The following PARD6G variants were observed in gnomAD, a reference collection of about 807,000 sequenced individuals.
PARD6G encodes partitioning defective 6 homolog gamma.
PARD6G carries 7 observed loss-of-function variants against 10.7 expected under a neutral mutation model. That is an observed-to-expected ratio of 0.66 (90% confidence interval 0.37 to 1.23). PARD6G has a LOEUF of 1.23. Among genes scored for constraint, PARD6G ranks in the 50% most tolerant of loss-of-function variants. The pLI is 0.02. For synonymous variants in PARD6G, 287 were observed against 269.4 expected (o/e 1.07, Z -0.64); for missense variants, 548 against 571.8 (o/e 0.96, Z 0.42).
Position 80,183,106 on chromosome 18 carries a change from G to C in PARD6G, c.295+19604C>G, listed in dbSNP as rs914982998. 1.4e-6 allele frequency: 1 copy of C among 702,918 alleles called. No homozygotes were observed. The highest frequency in any genetic ancestry group is 1.5e-5 in the South Asian group (1 of 67,590). The allele number at this position is 702,918 out of a possible 1,614,324, so 43.5% of individuals were successfully genotyped here. A position where few individuals can be genotyped will look rare whatever the true frequency, so the allele number is the denominator to read the frequency against. On this transcript the variant is annotated intron_variant, in intron 2 of 2. Coordinates refer to ENST00000353265, the MANE Select transcript of PARD6G (RefSeq NM_032510.4). The surrounding 1 kb of genome is among the most constrained non-coding windows in gnomAD (Gnocchi z 4.5). ...CAGAGAAGTCCCCCTTTCAAACCAAGATTTGAGCTGAAGAGTCAGGTTCCT... is the reference window on the plus strand; with the variant it reads ...CAGAGAAGTCCCCCTTTCAAACCAACATTTGAGCTGAAGAGTCAGGTTCCT...
intron 2 of PARD6G, among the ~76,000 whole-genome samples, chr18:80,195,572 T>TATATATACAC (rs894731117): frequency 1.1e-4 from 10 of 87,348 alleles, no homozygotes; most frequent in African/African-American, 5.3e-4. Context: ...TATATATATA[T>TATATATACAC]ACACACATTT....
intron 2 of PARD6G, among the ~76,000 whole-genome samples, chr18:80,168,624 C>CT (rs958609718): frequency 1.4e-3 from 195 of 137,092 alleles, no homozygotes; most frequent in Middle Eastern, 3.8e-3. Flanking sequence ...TATGTATAAA[C>CT]TTTTTTTTTT....
chr18:80,199,673 C>T (rs886426474), intron 2 of PARD6G, among the ~76,000 whole-genome samples: 8 of 152,108 alleles, frequency 5.3e-5, no homozygotes, highest in Non-Finnish European at 1.2e-4. Flanking sequence ...GACGGAGTTT[C>T]GCTCTGTCAC....
intron 1 of PARD6G, among the ~76,000 whole-genome samples, chr18:80,214,217 GGAGGCC>G (rs991426126): frequency 2.2e-4 from 33 of 152,316 alleles, no homozygotes; most frequent in Middle Eastern, 3.4e-3. Flanking sequence ...CAGCACTTTG[GGAGGCC>G]GAGGCGAGTG....
At chr18:80,177,025 G>GCA (rs111315126) in intron 2 of PARD6G, among the ~76,000 whole-genome samples, 41,040 of 136,866 alleles carry the variant, frequency 0.3, 6,515 homozygotes, top group East Asian at 0.5. Context: ...GCGCGCGCGT[G>GCA]CACACACACA....
intron 1 of PARD6G, among the ~76,000 whole-genome samples, chr18:80,230,002 C>T (rs1016419558): frequency 1.3e-5 from 2 of 152,182 alleles, no homozygotes; most frequent in African/African-American, 2.4e-5. Context: ...CCAGGTGGGT[C>T]ATAGGGTCAC....
intron 1 of PARD6G, among the ~76,000 whole-genome samples, chr18:80,205,799 T>C (rs544615843): frequency 6.6e-6 from 1 of 152,242 alleles, no homozygotes; most frequent in Admixed American, 6.5e-5. Context: ...TTTACAGCTA[T>C]GTGAGAATGG....
chr18:80,165,116 G>A (rs954283292), intron 2 of PARD6G, among the ~76,000 whole-genome samples: 2 of 152,132 alleles, frequency 1.3e-5, no homozygotes, highest in Non-Finnish European at 2.9e-5. Context: ...AATTTACCAG[G>A]GCAGAGTTTC....
intron 2 of PARD6G, among the ~76,000 whole-genome samples, chr18:80,174,827 G>A (rs574942763): frequency 3.3e-5 from 5 of 152,222 alleles, no homozygotes; most frequent in South Asian, 4.1e-4. Flanking sequence ...GGTGGCGGGC[G>A]CCTGTAGTCC....
Position 80,228,249 on chromosome 18 carries a change from G to C in PARD6G, c.72+19028C>G, listed in dbSNP as rs1021769178. 1.3e-5 allele frequency among the ~76,000 whole-genome samples: 2 copies of C among 152,098 alleles called. No homozygotes were observed. The highest frequency in any genetic ancestry group is 6.6e-5 in the Admixed American group (1 of 15,266). The stretch of plus-strand genomic sequence containing the variant: ...CACGGGGGAGACGGCAGCGAGCAGA[G>C]AGACCCCAAGTGAAAACTGCGGAAG... On this transcript the variant is annotated intron_variant, in intron 1 of 2. Coordinates refer to ENST00000353265, the MANE Select transcript of PARD6G (RefSeq NM_032510.4). This position sits in a 1 kb window ranked among gnomAD's most constrained non-coding sequence, Gnocchi z 4.6.
intron 1 of PARD6G, among the ~76,000 whole-genome samples, chr18:80,209,719 G>C (rs965263009): frequency 1.3e-5 from 2 of 152,206 alleles, no homozygotes; most frequent in African/African-American, 4.8e-5. Flanking sequence ...GGCAGAGGCA[G>C]GAGGATCGTT....
Position 80,208,458 on chromosome 18 carries a change from G to T in PARD6G, c.73-5526C>A, listed in dbSNP as rs142111192. On this transcript the variant is annotated intron_variant, in intron 1 of 2. Transcript: ENST00000353265. ...TTGTTTTTCATGTGGGTGTTTGTTC[G>T]TATAGCAGGACTTACAACAGGACGG... 2.3e-4 allele frequency among the ~76,000 whole-genome samples: 35 copies of T among 152,236 alleles called. No homozygotes were observed. The East Asian group carries it at 6.0e-3, about 26-fold the overall frequency.
chr18:80,186,382 C>A (rs542512935), intron 2 of PARD6G, among the ~76,000 whole-genome samples: 1 of 145,732 alleles, frequency 6.9e-6, no homozygotes, highest in Non-Finnish European at 1.5e-5. Context: ...CACACATGCT[C>A]GCACACCCTC....
In PARD6G at chr18:80,159,601, A is replaced by G; in HGVS notation, c.*170T>C. 1 of 1,132,258 alleles carries G rather than the reference A, an allele frequency of 8.8e-7. No homozygotes were observed. The highest frequency in any genetic ancestry group is 1.1e-6 in the Non-Finnish European group (1 of 880,884). 70.1% of individuals were successfully genotyped at this position (1,132,258 alleles called of 1,614,324 possible). On this transcript the variant is annotated 3_prime_UTR_variant, in exon 3 of 3. Coordinates refer to ENST00000353265, the MANE Select transcript of PARD6G (RefSeq NM_032510.4). Reference sequence around the variant, plus strand: ...CGTTCATTTTAAGTTCTGTGGCGAAATTCTATAAAAATAGGCAATACTTGT... The same window carrying G: ...CGTTCATTTTAAGTTCTGTGGCGAAGTTCTATAAAAATAGGCAATACTTGT...
intron 1 of PARD6G, among the ~76,000 whole-genome samples, chr18:80,244,194 G>A (rs1001608907): frequency 4.6e-5 from 7 of 152,084 alleles, no homozygotes; most frequent in Non-Finnish European, 4.4e-5. Context: ...AACCCTCTGC[G>A]TAGCTCCTCC....
chr18:80,164,362 T>C (rs997405158), intron 2 of PARD6G, among the ~76,000 whole-genome samples: 15 of 152,188 alleles, frequency 9.9e-5, no homozygotes, highest in Non-Finnish European at 5.9e-5. Context: ...TCCCCTGCAC[T>C]CCAAACCCTC....
At chr18:80,163,041 G>A (rs560651381) in intron 2 of PARD6G, among the ~76,000 whole-genome samples, 11 of 152,314 alleles carry the variant, frequency 7.2e-5, no homozygotes, top group African/African-American at 2.4e-4. Flanking sequence ...GGCAGTGTCC[G>A]AGGCACAGTG....
chr18:80,197,809 G>C (rs994518936), intron 2 of PARD6G, among the ~76,000 whole-genome samples: 3 of 152,220 alleles, frequency 2.0e-5, no homozygotes. Flanking sequence ...AAACATTCCT[G>C]CACCCTTGGG....
chr18:80,215,195 C>T (rs990324912), intron 1 of PARD6G, among the ~76,000 whole-genome samples: 2 of 152,144 alleles, frequency 1.3e-5, no homozygotes, highest in Non-Finnish European at 2.9e-5. Context: ...GAATAATAAA[C>T]AAATAACACT....
Sources: gnomAD v4.1 joint callset for allele counts (sites outside exome capture counted in the v4.1 genomes callset) on GRCh38, gnomAD v4.1.1 for gene constraint, Gnocchi (gnomAD v3.1) non-coding constraint, MANE v1.5 for transcripts, NCBI Gene and HGNC (gene_info 2026-07-23, HGNC 2026-07-21) for gene names.